Variants in EMSY observed in about 807,000 individuals in gnomAD.
EMSY encodes the protein BRCA2-interacting transcriptional repressor EMSY.
In EMSY, 26 loss-of-function variants were observed where a neutral mutation model predicts 134.6. That is an observed-to-expected ratio of 0.19 (90% CI 0.14 to 0.27). The LOEUF (loss-of-function observed/expected upper bound fraction) is 0.27, where lower values mean the gene tolerates loss of function less well. Among genes scored for constraint, EMSY ranks in the 10% least tolerant of loss-of-function variants. The pLI, the probability that EMSY is intolerant of heterozygous loss-of-function variation, is 1.00. For missense variants in EMSY, 1,305 were observed against 1,611.4 expected, an observed-to-expected ratio of 0.81 and a Z score of 3.26; for synonymous variants, 579 against 577.8, an observed-to-expected ratio of 1.00 and a Z score of -0.03.
chr11:76,547,292 T>C (rs969209025), intron 20 of EMSY, among the ~76,000 whole-genome samples: 1 of 152,142 alleles, frequency 6.6e-6, no homozygotes, highest in African/African-American at 2.4e-5. Context: ...AGAATGCAAA[T>C]TGACAATGTT....
chr11:76,546,460 C>G (rs185241218), intron 20 of EMSY, among the ~76,000 whole-genome samples, 163 bp downstream of exon 21: 1 of 152,100 alleles, frequency 6.6e-6, no homozygotes, highest in East Asian at 1.9e-4. Flanking sequence ...ACACCTATTA[C>G]AAAAATACAA....
chr11:76,506,231 C>T (rs1950071455), intron 9 of EMSY, among the ~76,000 whole-genome samples: 1 of 151,700 alleles, frequency 6.6e-6, no homozygotes, highest in South Asian at 2.1e-4. Flanking sequence ...CCTGGCAAAC[C>T]CTGCACACAA....
chr11:76,535,986 T>C (rs1423736879), exon 15 of EMSY: 1 of 1,606,810 alleles, frequency 6.2e-7, no homozygotes, highest in Non-Finnish European at 8.5e-7. Flanking sequence ...CCATAATTTA[T>C]CAGGATGTAT....
chr11:76,467,809 A>G (rs1948412889), intron 7 of EMSY, among the ~76,000 whole-genome samples: 1 of 152,048 alleles, frequency 6.6e-6, no homozygotes, highest in Admixed American at 6.5e-5. Flanking sequence ...CCTGATCAAC[A>G]TGGAGAAACG....
rs138857186 is a variant in EMSY at position 76,473,619 on chromosome 11, A to G, written c.1108+779A>G. 5.0e-3 allele frequency among the ~76,000 whole-genome samples: 767 copies of G among 152,012 alleles called. 5 individuals carry two copies. The highest frequency in any genetic ancestry group is 0.017 in the African/African-American group (717 of 41,478). On this transcript the variant is annotated intron_variant, in intron 8 of 20. Coordinates refer to ENST00000334736, the Ensembl canonical transcript of EMSY. ...CCACTGTGCTCTGCTAGTCTCCTAA[A>G]TTTTTCTGTATGGATAGATGATGGA...
At chr11:76,454,839 C>T in intron 4 of EMSY, 49 bp downstream of exon 5, 1 of 1,316,310 alleles carries the variant, frequency 7.6e-7, no homozygotes, top group Non-Finnish European at 1.0e-6. Context: ...GTATTTATTT[C>T]CAAATTGAAG....
chr11:76,520,464 T>G (rs1186977670), intron 11 of EMSY, among the ~76,000 whole-genome samples: 1 of 152,202 alleles, frequency 6.6e-6, no homozygotes, highest in Non-Finnish European at 1.5e-5. Context: ...AAAAAAGGTC[T>G]ATAGAGTTAA....
At chr11:76,511,040 C>T (rs1020257675) in intron 9 of EMSY, among the ~76,000 whole-genome samples, 15 of 152,124 alleles carry the variant, frequency 9.9e-5, no homozygotes, top group African/African-American at 3.4e-4. Context: ...ACCAGCTTCA[C>T]TGGGTTAGGG....
chr11:76,542,110 ACTTT>A, intron 17 of EMSY, 102 bp from the exon 19 acceptor site: 2 of 1,422,088 alleles, frequency 1.4e-6, no homozygotes, highest in Admixed American at 1.7e-5. Context: ...ACAATACTAC[ACTTT>A]CTTTCTGTGA....
chr11:76,550,358 AAG>A, exon 21 of EMSY: 1 of 336,124 alleles, frequency 3.0e-6, no homozygotes, highest in Non-Finnish European at 5.1e-6. Flanking sequence ...AAAAATGAAA[AAG>A]AAAAAAAAAG....
At chr11:76,497,771 T>G (rs1471692062) in intron 9 of EMSY, among the ~76,000 whole-genome samples, 1 of 152,126 alleles carries the variant, frequency 6.6e-6, no homozygotes, top group Non-Finnish European at 1.5e-5. Context: ...ATTTATTGAA[T>G]TTTTTAAGAA....
intron 9 of EMSY, among the ~76,000 whole-genome samples, chr11:76,502,344 C>T (rs1254067275): frequency 2.1e-5 from 3 of 144,340 alleles, no homozygotes; most frequent in Non-Finnish European, 3.0e-5. Flanking sequence ...AACTCTACCC[C>T]GTTTACAGAT....
chr11:76,500,920 A>G (rs1251994786), intron 9 of EMSY, among the ~76,000 whole-genome samples: 1 of 152,236 alleles, frequency 6.6e-6, no homozygotes, highest in Non-Finnish European at 1.5e-5. Flanking sequence ...CTGCATGGTC[A>G]TCCCTCAGTA....
exon 15 of EMSY, chr11:76,535,947 A>G: frequency 1.9e-6 from 3 of 1,602,220 alleles, no homozygotes; most frequent in Non-Finnish European, 2.6e-6. Context: ...ATTGGTCAGA[A>G]CATGAGATTG....
Position 76,496,862 on chromosome 11 carries a change from A to T in EMSY, c.1363+393A>T, listed in dbSNP as rs886236682. The T allele has an allele frequency of 1.3e-5, 4 of 296,974 alleles. No homozygotes were observed. The East Asian group carries it at 4.0e-4, about 30-fold the overall frequency. The allele number at this position is 296,974 out of a possible 1,614,324, so 18.4% of individuals were successfully genotyped here. On this transcript the variant is annotated intron_variant, in intron 9 of 20. Coordinates refer to ENST00000334736, the Ensembl canonical transcript of EMSY. ...GGGACAGTTTTGTTTCTTCCTTTCC[A>T]ATCAATTGCTGTTTATTTCTTTTTG...
chr11:76,509,725 A>G (rs1225647195), intron 9 of EMSY, among the ~76,000 whole-genome samples: 2 of 152,222 alleles, frequency 1.3e-5, no homozygotes, highest in South Asian at 4.1e-4. Flanking sequence ...GAGGGGAGGT[A>G]TAAGAATCCA....
intron 8 of EMSY, among the ~76,000 whole-genome samples, chr11:76,482,752 TGAAAA>T (rs1297118504): frequency 6.6e-6 from 1 of 152,036 alleles, no homozygotes; most frequent in Non-Finnish European, 1.5e-5. Flanking sequence ...TGGGACTATG[TGAAAA>T]GACCAAACCT....
intron 20 of EMSY, 56 bp from the exon 22 acceptor site, chr11:76,549,896 A>G: frequency 5.4e-6 from 7 of 1,304,794 alleles, no homozygotes; most frequent in Non-Finnish European, 5.2e-6. Context: ...ATTGTTGGGG[A>G]AGTTATTCTG....
chr11:76,487,035 T>C (rs1949215028), intron 8 of EMSY, among the ~76,000 whole-genome samples: 1 of 152,304 alleles, frequency 6.6e-6, no homozygotes, highest in Non-Finnish European at 1.5e-5. Context: ...CCCAGCACTT[T>C]GGGAGGCTGA....
Sources: gnomAD v4.1 joint callset for allele counts (sites outside exome capture counted in the v4.1 genomes callset) on GRCh38, gnomAD v4.1.1 for gene constraint, MANE v1.5 for transcripts, NCBI Gene and HGNC (gene_info 2026-07-23, HGNC 2026-07-21) for gene names.